PTPN9: variants seen among roughly 807,000 people sequenced by gnomAD.
PTPN9 encodes tyrosine-protein phosphatase non-receptor type 9.
PTPN9 carries 26 observed loss-of-function variants against 69.8 expected under a neutral mutation model. The observed-to-expected ratio is 0.37, with a 90% CI of 0.27 to 0.52. PTPN9 has a LOEUF of 0.52. PTPN9 is among the 20% of genes least tolerant of loss of function. The probability of loss-of-function intolerance (pLI) is 0.91; values close to 1 mark genes in which losing one functional copy is unlikely to be tolerated. For missense variants in PTPN9, 549 were observed against 740.3 expected (o/e 0.74, Z 3.00); for synonymous variants, 274 against 272.5 (o/e 1.01, Z -0.05).
At chr15:75,504,694 G>T (rs1162923637) in intron 7 of PTPN9, among the ~76,000 whole-genome samples, 2 of 147,012 alleles carry the variant, frequency 1.4e-5, no homozygotes, top group Admixed American at 6.7e-5. Context: ...GAGGTGGGGG[G>T]GTCAGCCCCC....
At chr15:75,518,440 C>G (rs2074883191) in intron 4 of PTPN9, among the ~76,000 whole-genome samples, 1 of 129,304 alleles carries the variant, frequency 7.7e-6, no homozygotes, top group African/African-American at 3.1e-5. Flanking sequence ...CCAGTCTGGG[C>G]AACATGGCAA....
chr15:75,469,087 G>A, intron 12 of PTPN9, 104 bp from the exon 13 acceptor site: 4 of 1,103,732 alleles, frequency 3.6e-6, no homozygotes, highest in Non-Finnish European at 5.1e-6. Context: ...CAGGCAAAGT[G>A]CCTCATGGCA....
intron 4 of PTPN9, among the ~76,000 whole-genome samples, chr15:75,521,255 C>T (rs2074903348): frequency 6.9e-6 from 1 of 144,604 alleles, no homozygotes; most frequent in South Asian, 2.3e-4. Context: ...ACCATCCTGG[C>T]TAACAAGGTG....
intron 7 of PTPN9, among the ~76,000 whole-genome samples, chr15:75,503,552 T>G (rs1471708012): frequency 1.7e-4 from 18 of 108,726 alleles, no homozygotes; most frequent in African/African-American, 2.2e-4. Context: ...GGTGGGGGGG[T>G]CAGCCCCCCG....
chr15:75,518,242 G>A (rs1479583239), intron 4 of PTPN9, among the ~76,000 whole-genome samples: 1 of 152,012 alleles, frequency 6.6e-6, no homozygotes, highest in Non-Finnish European at 1.5e-5. Context: ...GGGAGGCTCA[G>A]GTGGGAGGGT....
chr15:75,572,012 A>G (rs940329542), intron 1 of PTPN9, among the ~76,000 whole-genome samples: 2 of 152,162 alleles, frequency 1.3e-5, no homozygotes, highest in Non-Finnish European at 2.9e-5. Flanking sequence ...ATAATTATAC[A>G]GAATTTTAAT....
chr15:75,521,467 TA>T (rs1595960093), intron 4 of PTPN9, among the ~76,000 whole-genome samples: 1 of 143,266 alleles, frequency 7.0e-6, no homozygotes, highest in Non-Finnish European at 1.5e-5. Context: ...AAAAAAAAAA[TA>T]AAAAAAATAT....
At chr15:75,551,503 G>C (rs980238938) in intron 1 of PTPN9, among the ~76,000 whole-genome samples, 3 of 152,142 alleles carry the variant, frequency 2.0e-5, no homozygotes, top group African/African-American at 7.2e-5. Context: ...GGGACTACAG[G>C]CATGTGCCAC....
intron 11 of PTPN9, 91 bp downstream of exon 11, chr15:75,470,589 G>A: frequency 3.4e-6 from 5 of 1,462,742 alleles, no homozygotes; most frequent in Middle Eastern, 3.6e-4. Flanking sequence ...TAACTTCCCT[G>A]GTATCCTACC....
intron 1 of PTPN9, among the ~76,000 whole-genome samples, chr15:75,543,769 G>A (rs1720195508): frequency 6.6e-6 from 1 of 152,014 alleles, no homozygotes; most frequent in Non-Finnish European, 1.5e-5. Context: ...GTTTTATATA[G>A]CCTTTAACTA....
At chr15:75,527,375 G>T in intron 1 of PTPN9, 114 bp from the exon 2 acceptor site, 1 of 1,162,240 alleles carries the variant, frequency 8.6e-7, no homozygotes, top group Non-Finnish European at 1.2e-6. Context: ...AACCCAGTTT[G>T]CTACAGGGAG....
chr15:75,483,908 A>T (rs2074658759), intron 8 of PTPN9, among the ~76,000 whole-genome samples: 1 of 152,196 alleles, frequency 6.6e-6, no homozygotes, highest in Non-Finnish European at 1.5e-5. Context: ...CCTGTTAGCA[A>T]TAATGTGTAC....
intron 1 of PTPN9, among the ~76,000 whole-genome samples, chr15:75,552,811 T>C (rs917568127): frequency 6.8e-6 from 1 of 147,374 alleles, no homozygotes; most frequent in Non-Finnish European, 1.5e-5. Context: ...CTAGATATGG[T>C]CCCATAAAAG....
At position 75,480,768 on chromosome 15, in the gene PTPN9, G is replaced by GA. The variant is rs964607290; in HGVS notation, c.1063-855_1063-854insT. The GA allele has an allele frequency of 4.2e-6, 5 of 1,177,722 alleles. No homozygotes were observed. The African/African-American group carries it at 8.2e-5, about 19-fold the overall frequency. The allele number at this position is 1,177,722 out of a possible 1,614,324, so 73.0% of individuals were successfully genotyped here. ...TGTCTCAGTCTTTGCCGCCGCGCCG[G>GA]CGAGCGCCGCCCGCGAGGCAGCGGC... On this transcript the variant is annotated intron_variant, in intron 8 of 12. Coordinates refer to ENST00000618819, the MANE Select transcript of PTPN9 (RefSeq NM_002833.4).
chr15:75,568,849 T>A (rs1275944803), intron 1 of PTPN9, among the ~76,000 whole-genome samples: 1 of 151,960 alleles, frequency 6.6e-6, no homozygotes, highest in Non-Finnish European at 1.5e-5. Context: ...ACTAAAAAAA[T>A]TTTAAAAAGT....
Position 75,471,911 on chromosome 15 carries a change from C to A in PTPN9, c.1209-1081G>T, listed in dbSNP as rs191236206. Among the ~76,000 whole-genome samples, 62 of 152,012 alleles carry A rather than the reference C, an allele frequency of 4.1e-4. No homozygotes were observed. The East Asian group carries it at 0.011, about 28-fold the overall frequency. ...TGAGCTGAGATCGCACCACTTAACT[C>A]CAGCCTGCACAATAGAGTGAGACTC... On this transcript the variant is annotated intron_variant, in intron 10 of 12. Coordinates refer to ENST00000618819, the MANE Select transcript of PTPN9 (RefSeq NM_002833.4).
At chr15:75,577,757 T>A (rs556164455) in intron 1 of PTPN9, among the ~76,000 whole-genome samples, 14 of 152,348 alleles carry the variant, frequency 9.2e-5, no homozygotes, top group Non-Finnish European at 1.6e-4. Context: ...TTTTCTTTTT[T>A]CATGTTTATT....
At chr15:75,505,647 G>T in intron 7 of PTPN9, 28 bp downstream of exon 7, 2 of 1,576,706 alleles carry the variant, frequency 1.3e-6, no homozygotes, top group Non-Finnish European at 1.7e-6. Context: ...CTGGTAACCA[G>T]CTGCTGGCCC....
At chr15:75,547,155 TGTG>T (rs746051135) in intron 1 of PTPN9, among the ~76,000 whole-genome samples, 2 of 151,236 alleles carry the variant, frequency 1.3e-5, no homozygotes, top group African/African-American at 2.4e-5. Context: ...CATTACCAGA[TGTG>T]GTGGTGTGCA....
Sources: allele counts gnomAD v4.1 joint callset (sites outside exome capture counted in the v4.1 genomes callset), GRCh38; gene constraint gnomAD v4.1.1; transcripts MANE v1.5; gene names NCBI Gene and HGNC (gene_info 2026-07-23, HGNC 2026-07-21).